ZNF814: variants seen among roughly 807,000 people sequenced by gnomAD.
ZNF814 encodes zinc finger protein 814.
Under a neutral mutation model 7.5 loss-of-function variants are expected in ZNF814, and 5 were observed. The observed-to-expected ratio is 0.67, with a 90% CI of 0.35 to 1.40. The LOEUF is 1.40. Ranked by LOEUF, ZNF814 falls within the 40% of genes most tolerant of loss-of-function variation. ZNF814 has a pLI of 0.04. For missense variants in ZNF814, 962 were observed against 1,018.0 expected (o/e 0.94, Z 0.75); for synonymous variants, 315 against 340.7 (o/e 0.92, Z 0.83).
At chr19:57,900,754 C>G in the ZNF814 span, among the ~76,000 whole-genome samples, 22 of 150,734 alleles carry the variant, frequency 1.5e-4, no homozygotes, top group East Asian at 3.7e-3. Context: ...GTTAAAAAAC[C>G]TTTTTTTTGC....
upstream of ZNF814, among the ~76,000 whole-genome samples, chr19:57,889,564 C>G (rs1391828080): frequency 1.3e-5 from 2 of 151,458 alleles, no homozygotes; most frequent in African/African-American, 2.4e-5. Flanking sequence ...GACCTCTTAT[C>G]TAAAAAATAA....
rs1232382656 is a variant in ZNF814 at position 57,870,622 on chromosome 19, T to G, written c.*2200A>C. 3.9e-5 allele frequency: 6 copies of G among 152,246 alleles called. No homozygotes were observed. The highest frequency in any genetic ancestry group is 8.8e-5 in the Non-Finnish European group (6 of 68,046). 9.4% of individuals were successfully genotyped at this position (152,246 alleles called of 1,614,324 possible). A position where few individuals can be genotyped will look rare whatever the true frequency, so the allele number is the denominator to read the frequency against. On this transcript the variant is annotated 3_prime_UTR_variant, in exon 3 of 3. Coordinates refer to ENST00000435989, the MANE Select transcript of ZNF814 (RefSeq NM_001144989.2). ...ACAATATTCATCATTATGGAAGTCC[T>G]GATAATTCCTGTATCTGCATATTCA... is the stretch of plus-strand genomic sequence containing the variant.
Position 57,872,655 on chromosome 19 carries a change from A to G in ZNF814, c.*167T>C. ...AGGATTTCCCACATTCACTGCACTC[A>G]TAAGGTGGTGTGACCAGTGTGAACT... On this transcript the variant is annotated 3_prime_UTR_variant, in exon 3 of 3. Coordinates refer to ENST00000435989, the MANE Select transcript of ZNF814 (RefSeq NM_001144989.2). The G allele has an allele frequency of 1.3e-6, 2 of 1,530,068 alleles. No homozygotes were observed. The highest frequency in any genetic ancestry group is 1.4e-5 in the African/African-American group (1 of 72,750). 94.8% of individuals were successfully genotyped at this position (1,530,068 alleles called of 1,614,324 possible). A position where few individuals can be genotyped will look rare whatever the true frequency, so the allele number is the denominator to read the frequency against.
intron 2 of ZNF814, among the ~76,000 whole-genome samples, chr19:57,875,466 G>A (rs186104707): frequency 1.2e-3 from 189 of 152,326 alleles, no homozygotes; most frequent in African/African-American, 4.1e-3. Context: ...AGTACAGGCA[G>A]GGTCTACAAT....
At chr19:57,879,054 C>T (rs187274382) in intron 1 of ZNF814, among the ~76,000 whole-genome samples, 83 of 151,864 alleles carry the variant, frequency 5.5e-4, no homozygotes, top group African/African-American at 1.8e-3. Flanking sequence ...GCAAATCACA[C>T]TGGGCCTTAA....
upstream of ZNF814, among the ~76,000 whole-genome samples, chr19:57,892,855 G>T (rs1194213398): frequency 2.6e-5 from 4 of 152,138 alleles, no homozygotes; most frequent in Non-Finnish European, 4.4e-5. Context: ...TATTCAGGGT[G>T]ACCATCTTGC....
chr19:57,891,763 C>CT (rs1266246381), upstream of ZNF814, among the ~76,000 whole-genome samples: 1 of 148,308 alleles, frequency 6.7e-6, no homozygotes, highest in African/African-American at 2.6e-5. Context: ...ACTTTCTTTT[C>CT]TTTTTTTTGA....
chr19:57,878,660 T>C (rs753221121), intron 1 of ZNF814, among the ~76,000 whole-genome samples: 2 of 152,074 alleles, frequency 1.3e-5, no homozygotes, highest in Non-Finnish European at 2.9e-5. Flanking sequence ...CGTTTCACCA[T>C]ATTGGGCAGG....
At chr19:57,878,640 A>C (rs995327642) in intron 1 of ZNF814, among the ~76,000 whole-genome samples, 1 of 151,964 alleles carries the variant, frequency 6.6e-6, no homozygotes, top group African/African-American at 2.4e-5. Context: ...TATATTTTTA[A>C]TAGAGATGGC....
upstream of ZNF814, among the ~76,000 whole-genome samples, chr19:57,891,891 C>G (rs2071736818): frequency 6.6e-6 from 1 of 152,052 alleles, no homozygotes; most frequent in African/African-American, 2.4e-5. Context: ...GTACCTGGGA[C>G]TACAGGTGCG....
the ZNF814 span, among the ~76,000 whole-genome samples, chr19:57,903,728 C>T: frequency 6.6e-6 from 1 of 152,152 alleles, no homozygotes; most frequent in Non-Finnish European, 1.5e-5. Flanking sequence ...AAATTTTGTT[C>T]TAATAATTAT....
intron 1 of ZNF814, 37 bp downstream of exon 1, chr19:57,888,730 T>C (rs1317953531): frequency 2.6e-6 from 4 of 1,552,882 alleles, no homozygotes; most frequent in African/African-American, 2.7e-5. Flanking sequence ...TGGGTGACGA[T>C]GAGGTGACCT....
the ZNF814 span, among the ~76,000 whole-genome samples, chr19:57,898,802 GT>G: frequency 6.6e-6 from 1 of 152,130 alleles, no homozygotes; most frequent in Non-Finnish European, 1.5e-5. Flanking sequence ...TTAGCCGGGT[GT>G]GGCGGCATGT....
chr19:57,875,359 C>G (rs751065145), intron 2 of ZNF814, 133 bp from the exon 3 acceptor site: 1 of 1,576,910 alleles, frequency 6.3e-7, no homozygotes, highest in Non-Finnish European at 8.6e-7. Context: ...TGGCTTCAGG[C>G]GGAAGATGGT....
Position 57,872,213 on chromosome 19 carries a change from G to A in ZNF814, c.*609C>T, listed in dbSNP as rs563495941. Among the ~76,000 whole-genome samples, 51 of 152,270 alleles carry A rather than the reference G, an allele frequency of 3.3e-4. No individual in the cohort carries two copies. Among genetic ancestry groups the A allele is most frequent in the African/African-American group, 1.7e-4 (7 of 41,548 alleles). On this transcript the variant is annotated 3_prime_UTR_variant, in exon 3 of 3. Transcript: ENST00000435989. Reference sequence around the variant, plus strand: ...TAAATGACATTCAATCTAGGTAGGTGGCACTCTCAAAGGGTTACATTGAAA... The same window carrying A: ...TAAATGACATTCAATCTAGGTAGGTAGCACTCTCAAAGGGTTACATTGAAA...
At chr19:57,896,903 T>C in the ZNF814 span, among the ~76,000 whole-genome samples, 2 of 152,226 alleles carry the variant, frequency 1.3e-5, no homozygotes, top group Non-Finnish European at 1.5e-5. The surrounding 1 kb of genome is among the most constrained non-coding windows in gnomAD (Gnocchi z 4.2). Flanking sequence ...CAGCCATCTG[T>C]GCCTGTTTCC....
At chr19:57,877,587 C>T (rs2071616539) in intron 1 of ZNF814, among the ~76,000 whole-genome samples, 1 of 152,034 alleles carries the variant, frequency 6.6e-6, no homozygotes, top group Non-Finnish European at 1.5e-5. Context: ...GGATTACAGG[C>T]ATGTACCACC....
Position 57,888,808 on chromosome 19 carries a change from C to T in ZNF814, c.-6G>A. ...AGCGTAGCCGCGGCAGCCATCGAAC[C>T]ACGTGGTTTTAAGCAGAGTCGGGAG... On this transcript the variant is annotated 5_prime_UTR_variant, in exon 1 of 3. Transcript: ENST00000435989. The T allele has an allele frequency of 6.4e-7, 1 of 1,551,842 alleles. No individual in the cohort carries two copies. Among genetic ancestry groups the T allele is most frequent in the Non-Finnish European group, 8.7e-7 (1 of 1,147,072 alleles).
At chr19:57,886,410 T>C (rs1276495440) in intron 1 of ZNF814, among the ~76,000 whole-genome samples, 2 of 152,066 alleles carry the variant, frequency 1.3e-5, no homozygotes, top group Non-Finnish European at 2.9e-5. Context: ...GCTCATCACT[T>C]CTCTCCACTC....
Sources: allele counts gnomAD v4.1 joint callset (sites outside exome capture counted in the v4.1 genomes callset), GRCh38; gene constraint gnomAD v4.1.1; non-coding constraint Gnocchi (gnomAD v3.1); transcripts MANE v1.5; gene names NCBI Gene and HGNC (gene_info 2026-07-23, HGNC 2026-07-21).